SRSF11: variants seen among roughly 807,000 people sequenced by gnomAD.
SRSF11 encodes the protein serine/arginine-rich splicing factor 11.
In SRSF11, 9 loss-of-function variants were observed where a neutral mutation model predicts 56.0. The ratio of observed to expected loss-of-function variants is 0.16; its 90% CI spans 0.10 to 0.28. The LOEUF is 0.28. Among genes scored for constraint, SRSF11 ranks in the 10% least tolerant of loss-of-function variants. The pLI is 1.00. For missense variants in SRSF11, 421 were observed against 600.7 expected, an observed-to-expected ratio of 0.70 and a Z score of 3.13; for synonymous variants, 222 against 215.3, an observed-to-expected ratio of 1.03 and a Z score of -0.27.
At chr1:70,218,074 C>G (rs907826416), upstream of SRSF11, among the ~76,000 whole-genome samples, 1 of 152,152 alleles carries the variant, frequency 6.6e-6, no homozygotes, top group Non-Finnish European at 1.5e-5. Context: ...ACGCCATTCT[C>G]CCGCCTCAGC....
intron 1 of SRSF11, among the ~76,000 whole-genome samples, chr1:70,210,052 G>A (rs1391584989): frequency 6.6e-6 from 1 of 151,898 alleles, no homozygotes; most frequent in Non-Finnish European, 1.5e-5. Context: ...TTGGAATAAT[G>A]CATTTGTATA....
At position 70,230,830 on chromosome 1, in the gene SRSF11, A is replaced by C. The variant is rs927649055; in HGVS notation, c.338-1438A>C. On this transcript the variant is annotated intron_variant, in intron 2 of 11. Coordinates refer to ENST00000370949, the MANE Select transcript of SRSF11 (RefSeq NM_001350605.2). ...TGTTGATACTGAATATATCCTCTTG[A>C]GACATAATTTTGCATGCAAAATTAT... 16 of 1,170,148 alleles carry C rather than the reference A, an allele frequency of 1.4e-5. No homozygotes were observed. In the African/African-American group the frequency reaches 2.1e-4, roughly 15 times the overall value. The allele number at this position is 1,170,148 out of a possible 1,614,324, so 72.5% of individuals were successfully genotyped here.
chr1:70,229,851 GATATTAAAGTGT>G (rs1163454641), intron 2 of SRSF11: 1 of 983,708 alleles, frequency 1.0e-6, no homozygotes, highest in Non-Finnish European at 1.2e-6. Context: ...CTGTCTCCAT[GATATTAAAGTGT>G]ATGAGCCCAG....
upstream of SRSF11, chr1:70,205,708 G>T: frequency 3.3e-6 from 2 of 597,042 alleles, no homozygotes; most frequent in South Asian, 3.4e-5. Context: ...CAGCACCAGC[G>T]CCTGGGCTGG....
intron 1 of SRSF11, among the ~76,000 whole-genome samples, chr1:70,226,003 T>A (rs1671693335): frequency 6.6e-6 from 1 of 151,966 alleles, no homozygotes; most frequent in African/African-American, 2.4e-5. Flanking sequence ...CCAGCCTGAC[T>A]AACATGGTGA....
At chr1:70,227,659 GA>G (rs554721704) in intron 1 of SRSF11, among the ~76,000 whole-genome samples, 4 of 152,050 alleles carry the variant, frequency 2.6e-5, no homozygotes, top group Non-Finnish European at 4.4e-5. Flanking sequence ...CTTAACAGTT[GA>G]AAAAAACCCT....
At chr1:70,221,163 T>A (rs190100976), upstream of SRSF11, 649 of 155,052 alleles carry the variant, frequency 4.2e-3, 5 homozygotes, top group African/African-American at 0.013. Flanking sequence ...ATGCTTTTTT[T>A]AAAAAAAAAG....
intron 1 of SRSF11, among the ~76,000 whole-genome samples, chr1:70,213,065 A>G (rs931061439): frequency 6.6e-6 from 1 of 152,178 alleles, no homozygotes; most frequent in Non-Finnish European, 1.5e-5. Flanking sequence ...AAAAAAATTT[A>G]AAAAGAAAAG....
chr1:70,246,825 AAG>A lies in SRSF11; in HGVS notation c.942_943del (p.Lys315ArgfsTer9). 1 of 1,607,804 alleles carries A rather than the reference AAG, an allele frequency of 6.2e-7. No individual in the cohort carries two copies. The highest frequency in any genetic ancestry group is 8.5e-7 in the Non-Finnish European group (1 of 1,177,344). ...ATTGTGTTCATTTGTTAGAGACAAA[AAG>A]AAAGAAGACAAAGAAAAGAAACGTT... ...SRSTSKTRDK[K>X]KEDKEKKRSK... On this transcript the variant is annotated frameshift_variant, in exon 9 of 12. Coordinates refer to ENST00000370949, the MANE Select transcript of SRSF11 (RefSeq NM_001350605.2). LOFTEE classifies it high-confidence loss of function.
chr1:70,244,967 C>G, intron 8 of SRSF11, 152 bp downstream of exon 8: 1 of 674,226 alleles, frequency 1.5e-6, no homozygotes, highest in Non-Finnish European at 2.3e-6. Context: ...AGGAGGCTGA[C>G]GTTTGCTTTC....
chr1:70,226,554 A>G lies in SRSF11; in HGVS notation c.204-1868A>G, dbSNP rs191015242. Among the ~76,000 whole-genome samples, 445 of 152,322 alleles carry G rather than the reference A, an allele frequency of 2.9e-3. 4 individuals carry two copies. The highest frequency in any genetic ancestry group is 0.01 in the African/African-American group (428 of 41,542). On this transcript the variant is annotated intron_variant, in intron 1 of 11. Coordinates refer to ENST00000370949, the MANE Select transcript of SRSF11 (RefSeq NM_001350605.2). ...TTTGGGAGTCATTTCTTTTAATAAG[A>G]TAACAATAAAAAGTGTTAAAAGAAT...
intron 7 of SRSF11, among the ~76,000 whole-genome samples, chr1:70,242,923 T>C (rs1300731493): frequency 2.0e-5 from 3 of 152,136 alleles, no homozygotes; most frequent in East Asian, 1.9e-4. Context: ...TTGTGGAGCC[T>C]ATGGTAGGGT....
At position 70,215,775 on chromosome 1, in the gene SRSF11, G is replaced by A. The variant is rs568943383; in HGVS notation, c.-25-5837G>A. Among the ~76,000 whole-genome samples, 4 of 152,274 alleles carry A rather than the reference G, an allele frequency of 2.6e-5. No homozygotes were observed. The East Asian group carries it at 5.8e-4, about 22-fold the overall frequency. The stretch of plus-strand genomic sequence containing the variant: ...GTGGGTAGCGGGATTATGCATACCT[G>A]TGTCTGCTCTTTTTTTTCCTTTTGA... On this transcript the variant is annotated intron_variant, in intron 1 of 12. Coordinates refer to the SRSF11 transcript ENST00000370950.
chr1:70,214,477 T>G (rs985994265), intron 1 of SRSF11, among the ~76,000 whole-genome samples: 1 of 152,188 alleles, frequency 6.6e-6, no homozygotes, highest in Admixed American at 6.5e-5. Flanking sequence ...TTTCCTCTAT[T>G]TAATCATAAA....
intron 7 of SRSF11, among the ~76,000 whole-genome samples, chr1:70,241,359 T>G (rs2100896675): frequency 6.6e-6 from 1 of 152,308 alleles, no homozygotes; most frequent in South Asian, 2.1e-4. Context: ...TTAATATCAT[T>G]TTCTTATTTT....
chr1:70,235,591 T>G (rs377472793), intron 5 of SRSF11, 41 bp downstream of exon 5: 1 of 1,584,872 alleles, frequency 6.3e-7, no homozygotes. Context: ...ATGTGGTATC[T>G]GAATGTCTAC....
At chr1:70,243,336 CAAAAAAAAAAAAA>C (rs56098296) in intron 7 of SRSF11, among the ~76,000 whole-genome samples, 23 of 32,596 alleles carry the variant, frequency 7.1e-4, no homozygotes, top group South Asian at 4.1e-3. Flanking sequence ...TGGTTGGTGG[CAAAAAAAAAAAAA>C]AAAAAAAAAA....
chr1:70,216,599 C>CT (rs1199946697), upstream of SRSF11, among the ~76,000 whole-genome samples: 5 of 151,842 alleles, frequency 3.3e-5, no homozygotes, highest in Non-Finnish European at 7.4e-5. Context: ...ACCCAGCTAA[C>CT]TTTTTTGTAT....
At chr1:70,238,998 A>T (rs527852078) in intron 6 of SRSF11, among the ~76,000 whole-genome samples, 1 of 152,352 alleles carries the variant, frequency 6.6e-6, no homozygotes, top group South Asian at 2.1e-4. Context: ...TACTTGTGAC[A>T]TTCAAGGGTT....
Sources: gnomAD v4.1 joint callset for allele counts (sites outside exome capture counted in the v4.1 genomes callset) on GRCh38, gnomAD v4.1.1 for gene constraint, MANE v1.5 for transcripts, NCBI Gene and HGNC (gene_info 2026-07-23, HGNC 2026-07-21) for gene names.